Variants in EYS observed in about 807,000 individuals in gnomAD.
EYS encodes the protein protein eyes shut homolog.
EYS carries 250 observed loss-of-function variants against 282.1 expected under a neutral mutation model. That is an observed-to-expected ratio of 0.89 (90% CI 0.80 to 0.98). The LOEUF (loss-of-function observed/expected upper bound fraction) is 0.98. Ranked by LOEUF, EYS falls within the 50% of genes least tolerant of loss-of-function variation. The pLI, the probability that EYS is intolerant of heterozygous loss-of-function variation, is 0.00. For missense variants in EYS, 4,016 were observed against 3,709.0 expected, an observed-to-expected ratio of 1.08 and a Z score of -2.15; for synonymous variants, 1,355 against 1,282.9, an observed-to-expected ratio of 1.06 and a Z score of -1.20.
chr6:65,001,677 G>A (rs1474201743), intron 13 of EYS, among the ~76,000 whole-genome samples: 1 of 147,804 alleles, frequency 6.8e-6, no homozygotes, highest in Non-Finnish European at 1.5e-5. Flanking sequence ...CAGTATTTCC[G>A]TGTCTTCTGT....
Position 64,447,236 on chromosome 6 carries a change from T to G in EYS, c.5645-7884A>C, listed in dbSNP as rs527758914. ...TATTTCTCTAAAGAAGAGCTTGAAT[T>G]TTATCATTACAAAATCTCTGCATAT... On this transcript the variant is annotated intron_variant, in intron 26 of 42. Coordinates refer to ENST00000503581, the MANE Select transcript of EYS (RefSeq NM_001142800.2). Among the ~76,000 whole-genome samples the G allele has an allele frequency of 1.3e-3, 194 of 152,182 alleles. 1 individual carries two copies. The highest frequency in any genetic ancestry group is 2.5e-3 in the Non-Finnish European group (168 of 67,956).
intron 8 of EYS, among the ~76,000 whole-genome samples, chr6:65,371,502 G>A (rs547851772): frequency 4.8e-4 from 72 of 150,018 alleles, no homozygotes; most frequent in African/African-American, 1.7e-3. Flanking sequence ...AAATGTGGGT[G>A]AAAATTTGGG....
intron 36 of EYS, among the ~76,000 whole-genome samples, chr6:63,860,594 A>G (rs978561737): frequency 2.0e-5 from 3 of 152,238 alleles, no homozygotes; most frequent in African/African-American, 7.2e-5. Flanking sequence ...GTGATGTTCA[A>G]TGCCCTGTGC....
intron 35 of EYS, among the ~76,000 whole-genome samples, chr6:63,917,234 G>T (rs115569436): frequency 0.01 from 1,596 of 152,362 alleles, 27 homozygotes; most frequent in African/African-American, 0.037. Context: ...CCATCTTTCT[G>T]AAGGTCAGTT....
intron 19 of EYS, among the ~76,000 whole-genome samples, chr6:64,878,618 C>T (rs1334536921): frequency 6.6e-6 from 1 of 151,854 alleles, no homozygotes; most frequent in Non-Finnish European, 1.5e-5. Flanking sequence ...CTCTCTCTCT[C>T]CCTCCCCCCA....
chr6:65,050,564 C>T (rs1773241447), intron 13 of EYS, among the ~76,000 whole-genome samples: 1 of 151,346 alleles, frequency 6.6e-6, no homozygotes, highest in Non-Finnish European at 1.5e-5. Flanking sequence ...CTGGACTTGA[C>T]TTTAATACAT....
At chr6:63,940,561 T>G (rs997159173) in intron 35 of EYS, among the ~76,000 whole-genome samples, 10 of 152,302 alleles carry the variant, frequency 6.6e-5, no homozygotes, top group African/African-American at 2.4e-4. Flanking sequence ...GATTTTAGAA[T>G]GTAGTATGGC....
At chr6:64,382,998 C>T (rs565610928) in intron 29 of EYS, among the ~76,000 whole-genome samples, 50 of 152,120 alleles carry the variant, frequency 3.3e-4, no homozygotes, top group Non-Finnish European at 4.0e-4. Flanking sequence ...CTAAGAAAGG[C>T]AAGGCCTGCC....
intron 31 of EYS, among the ~76,000 whole-genome samples, chr6:64,150,684 C>T (rs562479408): frequency 5.3e-5 from 8 of 151,022 alleles, no homozygotes; most frequent in East Asian, 1.9e-4. Context: ...TATGTGTAAG[C>T]GTTAAACATA....
rs760057535 is a variant in EYS, at chr6:64,543,897, TAG to T, written c.5644+46324_5644+46325del. On this transcript the variant is annotated intron_variant, in intron 26 of 42. Transcript: ENST00000503581. ...TTAAGGTATCACAAAGAGAAACTTG[TAG>T]GTTTAGTATTCAAACTTTATATGCC... Among the ~76,000 whole-genome samples, 154 of 152,302 alleles carry T rather than the reference TAG, an allele frequency of 1.0e-3. 1 individual carries two copies. Among genetic ancestry groups the T allele is most frequent in the Middle Eastern group, 3.4e-3 (1 of 294 alleles).
intron 12 of EYS, among the ~76,000 whole-genome samples, chr6:65,179,706 T>G (rs555555047): frequency 3.7e-4 from 56 of 152,258 alleles, no homozygotes; most frequent in Non-Finnish European, 5.6e-4. Flanking sequence ...ACTCATTTTA[T>G]GAGGCCAGTA....
intron 22 of EYS, among the ~76,000 whole-genome samples, chr6:64,688,579 G>A (rs996729323): frequency 6.6e-6 from 1 of 152,170 alleles, no homozygotes; most frequent in Admixed American, 6.6e-5. Flanking sequence ...TTGCACTGTG[G>A]TCTGAGAGAC....
chr6:63,983,713 T>C (rs1413029455), intron 35 of EYS, among the ~76,000 whole-genome samples: 2 of 151,814 alleles, frequency 1.3e-5, no homozygotes, highest in African/African-American at 4.8e-5. Flanking sequence ...TGTCATTATT[T>C]GTAGCTCCAA....
At chr6:65,342,831 A>C (rs1321588211) in intron 10 of EYS, among the ~76,000 whole-genome samples, 1 of 150,954 alleles carries the variant, frequency 6.6e-6, no homozygotes, top group Non-Finnish European at 1.5e-5. Context: ...AAAGTTGGTG[A>C]TTTATATTAT....
chr6:64,126,039 A>G (rs912733852), intron 31 of EYS, among the ~76,000 whole-genome samples: 6 of 151,992 alleles, frequency 3.9e-5, no homozygotes, highest in African/African-American at 1.4e-4. Flanking sequence ...GAGAAATAGG[A>G]ACACTTTTAC....
chr6:65,539,895 G>A (rs1158673502), intron 2 of EYS, among the ~76,000 whole-genome samples: 1 of 152,142 alleles, frequency 6.6e-6, no homozygotes. Flanking sequence ...CCAACCAGAT[G>A]TGTAAGCTCA....
At chr6:65,425,362 C>T (rs1456579105) in intron 5 of EYS, among the ~76,000 whole-genome samples, 1 of 152,004 alleles carries the variant, frequency 6.6e-6, no homozygotes, top group African/African-American at 2.4e-5. Context: ...AAGACTGTGG[C>T]TTCCATATAC....
At chr6:64,202,444 C>T (rs1282039716) in intron 31 of EYS, among the ~76,000 whole-genome samples, 1 of 152,062 alleles carries the variant, frequency 6.6e-6, no homozygotes, top group Non-Finnish European at 1.5e-5. Context: ...AAGCAAGAAA[C>T]AATTATTTTT....
rs551113656 is a variant in EYS, at chr6:65,601,052, G to A, written c.-333+38726C>T. On this transcript the variant is annotated intron_variant, in intron 2 of 42. Transcript: ENST00000503581. ...AGATTCAAAATATATCTAAATACACGTTGCTTATTATGAATACTAAAGTTA... is the reference window on the plus strand; with the variant it reads ...AGATTCAAAATATATCTAAATACACATTGCTTATTATGAATACTAAAGTTA... Among the ~76,000 whole-genome samples the A allele has an allele frequency of 1.4e-4, 21 of 151,668 alleles. 1 individual carries two copies. The highest frequency in any genetic ancestry group is 2.1e-4 in the South Asian group (1 of 4,784).
Sources: allele counts gnomAD v4.1 joint callset (sites outside exome capture counted in the v4.1 genomes callset), GRCh38; gene constraint gnomAD v4.1.1; transcripts MANE v1.5; gene names NCBI Gene and HGNC (gene_info 2026-07-23, HGNC 2026-07-21).